CYTH3: variants seen among roughly 807,000 people sequenced by gnomAD.
CYTH3 encodes the protein cytohesin-3.
CYTH3 carries 23 observed loss-of-function variants against 55.1 expected under a neutral mutation model. That is an observed-to-expected ratio of 0.42 (90% CI 0.30 to 0.59). The LOEUF is 0.59. CYTH3 is among the 20% of genes least tolerant of loss of function. The pLI is 0.20. For missense variants in CYTH3, 413 were observed against 524.8 expected, an observed-to-expected ratio of 0.79 and a Z score of 2.08; for synonymous variants, 249 against 194.9, an observed-to-expected ratio of 1.28 and a Z score of -2.31.
In CYTH3 at chr7:6,165,784, G is replaced by T; in HGVS notation, c.850C>A (p.Arg284=). The change falls in exon 10 of 13, where the codon CGG becomes AGG. Residue 284 remains arginine, a synonymous_variant. Coordinates refer to ENST00000350796, the MANE Select transcript of CYTH3 (RefSeq NM_004227.4). ...CAGTTATCGGTCAGGATGAACCACC[G>T]GCGCTTCCAGGTCTTCACACGCCCT... ...LGGRVKTWKR[R]WFILTDNCLY... is the part of the protein sequence containing the mutation. 2 of 1,614,092 alleles carry T rather than the reference G, an allele frequency of 1.2e-6. No individual in the cohort carries two copies. The highest frequency in any genetic ancestry group is 1.7e-6 in the Non-Finnish European group (2 of 1,180,000).
chr7:6,231,451 G>A (rs1373705819), intron 1 of CYTH3, among the ~76,000 whole-genome samples: 1 of 152,122 alleles, frequency 6.6e-6, no homozygotes, highest in Non-Finnish European at 1.5e-5. Flanking sequence ...GTCTTTGCAG[G>A]GTGGTGAGGC....
In CYTH3 at chr7:6,223,745, G is replaced by A. The variant is rs185848447; in HGVS notation, c.35-33214C>T. Among the ~76,000 whole-genome samples the A allele has an allele frequency of 3.1e-3, 451 of 145,742 alleles. 2 individuals carry two copies. Among genetic ancestry groups the A allele is most frequent in the Non-Finnish European group, 4.9e-3 (329 of 67,384 alleles). Reference sequence around the variant, plus strand: ...AGGAAAACTAGAGACTTTTGTTCACGTGTTTATCTGCTGACCTTCTCTCCA... The same window carrying A: ...AGGAAAACTAGAGACTTTTGTTCACATGTTTATCTGCTGACCTTCTCTCCA... On this transcript the variant is annotated intron_variant, in intron 1 of 12. Transcript: ENST00000350796.
At chr7:6,190,084 A>AAGAGGGTC (rs1783760100) in intron 2 of CYTH3, among the ~76,000 whole-genome samples, 1 of 152,142 alleles carries the variant, frequency 6.6e-6, no homozygotes, top group Non-Finnish European at 1.5e-5. Context: ...TAGTTAACGA[A>AAGAGGGTC]AGAGGGTCTC....
At chr7:6,183,649 T>G (rs10240988) in intron 4 of CYTH3, among the ~76,000 whole-genome samples, 2 of 151,986 alleles carry the variant, frequency 1.3e-5, no homozygotes, top group Non-Finnish European at 2.9e-5. Flanking sequence ...ACAGGTTTAA[T>G]AGGGGCATGG....
intron 1 of CYTH3, among the ~76,000 whole-genome samples, chr7:6,215,663 T>G (rs1424406165): frequency 6.7e-6 from 1 of 150,030 alleles, no homozygotes; most frequent in African/African-American, 2.4e-5. Flanking sequence ...AGGTGAAAAC[T>G]TCTTCTCAAA....
chr7:6,252,873 A>G (rs996942227), intron 1 of CYTH3, among the ~76,000 whole-genome samples: 1 of 152,180 alleles, frequency 6.6e-6, no homozygotes, highest in Non-Finnish European at 1.5e-5. Context: ...TTAAAATAAA[A>G]TCCTCACTAT....
chr7:6,162,106 C>A lies in CYTH3; in HGVS notation c.*2838G>T, dbSNP rs550111139. On this transcript the variant is annotated 3_prime_UTR_variant, in exon 13 of 13. Transcript: ENST00000350796. Reference sequence around the variant, plus strand: ...CTGCGTTTGTAACTTTAAAAATAGGCATTGCTTTCTATGAAGCACTAAGTG... The same window carrying A: ...CTGCGTTTGTAACTTTAAAAATAGGAATTGCTTTCTATGAAGCACTAAGTG... The A allele has an allele frequency of 6.5e-6, 1 of 152,766 alleles. No individual in the cohort carries two copies. Among genetic ancestry groups the A allele is most frequent in the East Asian group, 1.9e-4 (1 of 5,194 alleles). 9.5% of individuals were successfully genotyped at this position (152,766 alleles called of 1,614,324 possible).
At chr7:6,272,410 G>GGGGGGGGGGGCCCCC in intron 1 of CYTH3, 64 bp downstream of exon 1, 12 of 1,216,604 alleles carry the variant, frequency 9.9e-6, no homozygotes, top group Non-Finnish European at 1.3e-5. Flanking sequence ...CCGCGCCCTC[G>GGGGGGGGGGGCCCCC]ACCCCCAGCC....
intron 4 of CYTH3, among the ~76,000 whole-genome samples, chr7:6,186,212 C>G (rs988221663): frequency 6.7e-6 from 1 of 148,318 alleles, no homozygotes; most frequent in South Asian, 2.1e-4. Flanking sequence ...CCACTGCACT[C>G]CAGCCTGGGT....
At position 6,162,468 on chromosome 7, in the gene CYTH3, G is replaced by A. The variant is rs1045233755; in HGVS notation, c.*2476C>T. On this transcript the variant is annotated 3_prime_UTR_variant, in exon 13 of 13. Coordinates refer to ENST00000350796, the MANE Select transcript of CYTH3 (RefSeq NM_004227.4). ...GATTGTGACGCGGCCTGCCCAGGGT[G>A]AGGGACAAAAAACAGATGTGTCCTG... The A allele has an allele frequency of 6.7e-6, 1 of 148,458 alleles. No homozygotes were observed. The highest frequency in any genetic ancestry group is 1.5e-5 in the Non-Finnish European group (1 of 66,422). The allele number at this position is 148,458 out of a possible 1,614,324, so 9.2% of individuals were successfully genotyped here. A position where few individuals can be genotyped will look rare whatever the true frequency, so the allele number is the denominator to read the frequency against.
At chr7:6,192,578 C>T (rs1322807430) in intron 1 of CYTH3, among the ~76,000 whole-genome samples, 1 of 136,390 alleles carries the variant, frequency 7.3e-6, no homozygotes, top group African/African-American at 2.8e-5. Context: ...TGTCGCCAGG[C>T]TGGAGTGCGG....
intron 1 of CYTH3, among the ~76,000 whole-genome samples, chr7:6,202,620 C>T (rs909625358): frequency 7.2e-5 from 11 of 152,212 alleles, no homozygotes; most frequent in Admixed American, 5.2e-4. Flanking sequence ...TGCGCCGCCA[C>T]GCCCAACTAA....
Position 6,171,086 on chromosome 7 carries a change from C to T in CYTH3, c.563-108G>A. 6.9e-6 allele frequency: 11 copies of T among 1,586,226 alleles called. No homozygotes were observed. The highest frequency in any genetic ancestry group is 1.1e-5 in the South Asian group (1 of 89,124). The stretch of plus-strand genomic sequence containing the variant: ...AGGTGCCCGGCCCACAGGTCGTCCT[C>T]GCTCAGGGAAGGCAGGTCCCCAGGA... On this transcript the variant is annotated intron_variant, in intron 7 of 12. Coordinates refer to ENST00000350796, the MANE Select transcript of CYTH3 (RefSeq NM_004227.4). This position sits in a 1 kb window ranked among gnomAD's most constrained non-coding sequence, Gnocchi z 6.7.
In CYTH3 at chr7:6,161,979, T is replaced by C. The variant is rs1220398172; in HGVS notation, c.*2965A>G. On this transcript the variant is annotated 3_prime_UTR_variant, in exon 13 of 13. Coordinates refer to ENST00000350796, the MANE Select transcript of CYTH3 (RefSeq NM_004227.4). ...GATGTACATTATTTACATATTACTA[T>C]ATTTACCGCAAATAGAAATATTTTC... 2 of 152,620 alleles carry C rather than the reference T, an allele frequency of 1.3e-5. No homozygotes were observed. The highest frequency in any genetic ancestry group is 4.8e-5 in the African/African-American group (2 of 41,442). 9.5% of individuals were successfully genotyped at this position (152,620 alleles called of 1,614,324 possible).
intron 9 of CYTH3, among the ~76,000 whole-genome samples, chr7:6,166,111 A>G (rs1418195409): frequency 2.6e-5 from 4 of 152,186 alleles, no homozygotes; most frequent in Admixed American, 1.3e-4. Flanking sequence ...TGGCAGTGTG[A>G]TGAAGTCAGG....
intron 1 of CYTH3, among the ~76,000 whole-genome samples, chr7:6,222,689 G>C (rs1784578730): frequency 6.6e-6 from 1 of 151,238 alleles, no homozygotes; most frequent in African/African-American, 2.4e-5. Flanking sequence ...AGAGGTTGCG[G>C]TGAGCTGAGA....
rs574191702 is a variant in CYTH3, at chr7:6,221,626, G to A, written c.35-31095C>T. ...AGATGTAACCAGTGTGAGGAAATGA[G>A]TGAAGGGCAAGTGGAACCTTTATGT... is the stretch of plus-strand genomic sequence containing the variant. On this transcript the variant is annotated intron_variant, in intron 1 of 12. Coordinates refer to ENST00000350796, the MANE Select transcript of CYTH3 (RefSeq NM_004227.4). Among the ~76,000 whole-genome samples the A allele has an allele frequency of 1.1e-3, 173 of 152,276 alleles. 1 individual carries two copies. Among genetic ancestry groups the A allele is most frequent in the South Asian group, 2.1e-3 (10 of 4,822 alleles).
chr7:6,170,779 C>G lies in CYTH3; in HGVS notation c.711+51G>C. ...TAGAGCCGCGGGCGCTGCGGCCGCT[C>G]ACAGCGAAGAGATCCTGCAGACGGC... On this transcript the variant is annotated intron_variant, in intron 8 of 12. Coordinates refer to ENST00000350796, the MANE Select transcript of CYTH3 (RefSeq NM_004227.4). The surrounding 1 kb of genome is among the most constrained non-coding windows in gnomAD (Gnocchi z 7.8). The G allele has an allele frequency of 6.3e-7, 1 of 1,584,970 alleles. No individual in the cohort carries two copies. Among genetic ancestry groups the G allele is most frequent in the Non-Finnish European group, 8.6e-7 (1 of 1,165,014 alleles).
At chr7:6,203,746 T>C (rs1173549831) in intron 1 of CYTH3, among the ~76,000 whole-genome samples, 1 of 150,982 alleles carries the variant, frequency 6.6e-6, no homozygotes, top group Non-Finnish European at 1.5e-5. Flanking sequence ...GGAGACAGAG[T>C]CTCGCTCTGT....
Sources: gnomAD v4.1 joint callset for allele counts (sites outside exome capture counted in the v4.1 genomes callset) on GRCh38, gnomAD v4.1.1 for gene constraint, Gnocchi (gnomAD v3.1) non-coding constraint, MANE v1.5 for transcripts, NCBI Gene and HGNC (gene_info 2026-07-23, HGNC 2026-07-21) for gene names.